The following PITPNC1 variants were observed in gnomAD, a reference collection of about 807,000 sequenced individuals.
PITPNC1 encodes the protein cytoplasmic phosphatidylinositol transfer protein 1.
A neutral mutation model predicts 44.7 loss-of-function variants in PITPNC1; 18 were observed. The observed-to-expected ratio is 0.40, with a 90% confidence interval of 0.28 to 0.60. The LOEUF (loss-of-function observed/expected upper bound fraction) is 0.60. Ranked by LOEUF, PITPNC1 falls within the 20% of genes least tolerant of loss-of-function variation. PITPNC1 has a pLI of 0.39. For synonymous variants in PITPNC1, 141 were observed against 149.6 expected (o/e 0.94, Z 0.42); for missense variants, 290 against 418.4 (o/e 0.69, Z 2.68).
At chr17:67,619,836 C>T (rs1007544611) in intron 5 of PITPNC1, among the ~76,000 whole-genome samples, 12 of 152,060 alleles carry the variant, frequency 7.9e-5, no homozygotes, top group Non-Finnish European at 1.3e-4. Context: ...TTGTCTGCAG[C>T]GGTGTGCCAC....
intron 1 of PITPNC1, among the ~76,000 whole-genome samples, chr17:67,451,392 A>C (rs1444929772): frequency 6.6e-6 from 1 of 152,088 alleles, no homozygotes; most frequent in African/African-American, 2.4e-5. Context: ...AATAAGTTTC[A>C]GTAAAACAAC....
At chr17:67,414,143 C>T (rs2038551617) in intron 1 of PITPNC1, among the ~76,000 whole-genome samples, 1 of 150,164 alleles carries the variant, frequency 6.7e-6, no homozygotes, top group Non-Finnish European at 1.5e-5. Context: ...CTCCCATGTA[C>T]CCTCAACCCA....
chr17:67,649,042 T>G (rs955471037), intron 6 of PITPNC1, among the ~76,000 whole-genome samples: 4 of 152,184 alleles, frequency 2.6e-5, no homozygotes, highest in Non-Finnish European at 4.4e-5. Context: ...TGGTCTTAGC[T>G]ACTCAGGAAG....
At chr17:67,456,964 ACTTTT>A (rs1157769394) in intron 1 of PITPNC1, 1 of 151,836 alleles carries the variant, frequency 6.6e-6, no homozygotes, top group African/African-American at 2.4e-5. Flanking sequence ...TGTCTTCTCA[ACTTTT>A]CTTTTCCTCA....
intron 5 of PITPNC1, among the ~76,000 whole-genome samples, chr17:67,619,720 C>T (rs1463687982): frequency 6.6e-6 from 1 of 152,090 alleles, no homozygotes; most frequent in Non-Finnish European, 1.5e-5. Flanking sequence ...CTCCTCCCCT[C>T]CCCGCTCCCA....
At chr17:67,666,740 T>C (rs9906996) in intron 6 of PITPNC1, among the ~76,000 whole-genome samples, 14,296 of 152,012 alleles carry the variant, frequency 0.094, 945 homozygotes, top group African/African-American at 0.18. Context: ...GCCCTGGGAG[T>C]GCACTGTGTT....
chr17:67,444,348 A>G (rs1427100319), intron 1 of PITPNC1, among the ~76,000 whole-genome samples: 1 of 152,036 alleles, frequency 6.6e-6, no homozygotes, highest in Non-Finnish European at 1.5e-5. Context: ...TTTGGCAGAG[A>G]AAGTCTGTAA....
chr17:67,396,255 A>G (rs1030636739), intron 1 of PITPNC1, among the ~76,000 whole-genome samples: 8 of 152,232 alleles, frequency 5.3e-5, no homozygotes, highest in Non-Finnish European at 1.0e-4. Context: ...AAGTAAATTT[A>G]AAATTAGCCA....
intron 2 of PITPNC1, among the ~76,000 whole-genome samples, chr17:67,535,616 G>T (rs2163916): frequency 6.6e-6 from 1 of 152,230 alleles, no homozygotes; most frequent in South Asian, 2.1e-4. Flanking sequence ...AGGGAAATTT[G>T]TTATAAATAG....
intron 1 of PITPNC1, among the ~76,000 whole-genome samples, chr17:67,418,950 A>T (rs1006471812): frequency 1.3e-5 from 2 of 152,152 alleles, no homozygotes; most frequent in East Asian, 3.9e-4. Context: ...ACTTGTGATG[A>T]CTTGGGTAGT....
chr17:67,378,311 A>T, intron 1 of PITPNC1, 109 bp downstream of exon 1: 2 of 616,506 alleles, frequency 3.2e-6, no homozygotes, highest in South Asian at 2.6e-5. Context: ...GGTGGACGTT[A>T]CCCCGCAAAC....
At chr17:67,578,151 T>C (rs2041175472) in intron 4 of PITPNC1, 35 bp from the exon 5 acceptor site, 4 of 1,411,302 alleles carry the variant, frequency 2.8e-6, no homozygotes, top group African/African-American at 2.8e-5. Context: ...AGAGAAAAAA[T>C]GTTATGCTAA....
Position 67,610,141 on chromosome 17 carries a change from G to A in PITPNC1, c.367-22002G>A, listed in dbSNP as rs573281426. 7.9e-5 allele frequency among the ~76,000 whole-genome samples: 12 copies of A among 152,266 alleles called. No homozygotes were observed. In the South Asian group the frequency reaches 2.3e-3, roughly 29 times the overall value. On this transcript the variant is annotated intron_variant, in intron 5 of 8. Coordinates refer to ENST00000581322, the MANE Select transcript of PITPNC1 (RefSeq NM_012417.4). ...TGCCCAAAATATCAGGTCAGGATACGAGAGTGTTAAGTGCCAGCATTACCT... is the reference window on the plus strand; with the variant it reads ...TGCCCAAAATATCAGGTCAGGATACAAGAGTGTTAAGTGCCAGCATTACCT...
At chr17:67,409,071 CTTTTTTTTT>C (rs1159310735) in intron 1 of PITPNC1, among the ~76,000 whole-genome samples, 6 of 80,512 alleles carry the variant, frequency 7.5e-5, no homozygotes, top group Non-Finnish European at 2.2e-5. Context: ...CAAATTCATT[CTTTTTTTTT>C]TTTTTTTTTT....
intron 5 of PITPNC1, among the ~76,000 whole-genome samples, chr17:67,581,683 A>G (rs185986199): frequency 3.9e-5 from 6 of 152,256 alleles, no homozygotes; most frequent in Non-Finnish European, 5.9e-5. Flanking sequence ...TCTGTTTTAC[A>G]TATTCAGCGG....
intron 1 of PITPNC1, among the ~76,000 whole-genome samples, chr17:67,528,217 T>C (rs1353316849): frequency 1.3e-5 from 2 of 152,114 alleles, no homozygotes; most frequent in Admixed American, 1.3e-4. Context: ...AATTTTTGTA[T>C]TTTTAGTAGA....
At position 67,572,473 on chromosome 17, in the gene PITPNC1, G is replaced by C. The variant is rs967848038; in HGVS notation, c.295-5713G>C. On this transcript the variant is annotated intron_variant, in intron 4 of 8. Coordinates refer to ENST00000581322, the MANE Select transcript of PITPNC1 (RefSeq NM_012417.4). ...CCTGAAGAAGCTGGGTAAAGCGGGG[G>C]GGGGGGGTAAAGAAGAAGGGGGGTG... Among the ~76,000 whole-genome samples the C allele has an allele frequency of 8.5e-4, 97 of 114,046 alleles. 2 individuals are homozygous for C. Among genetic ancestry groups the C allele is most frequent in the African/African-American group, 3.0e-3 (96 of 31,868 alleles). The allele number at this position is 114,046 out of a possible 152,430, so 74.8% of individuals were successfully genotyped here. A position where few individuals can be genotyped will look rare whatever the true frequency, so the allele number is the denominator to read the frequency against.
At chr17:67,396,986 T>C in intron 1 of PITPNC1, among the ~76,000 whole-genome samples, 1 of 152,182 alleles carries the variant, frequency 6.6e-6, no homozygotes, top group South Asian at 2.1e-4. Context: ...TATTTTTATT[T>C]ATTTATTTTT....
chr17:67,635,031 C>T (rs2042017363), intron 6 of PITPNC1, among the ~76,000 whole-genome samples: 1 of 152,118 alleles, frequency 6.6e-6, no homozygotes, highest in Middle Eastern at 3.4e-3. Flanking sequence ...TACAGTGAGC[C>T]GAGATGGCAC....
Sources: gnomAD v4.1 joint callset for allele counts (sites outside exome capture counted in the v4.1 genomes callset) on GRCh38, gnomAD v4.1.1 for gene constraint, MANE v1.5 for transcripts, NCBI Gene and HGNC (gene_info 2026-07-23, HGNC 2026-07-21) for gene names.